Variants in GRID1 observed in about 807,000 individuals in gnomAD.
GRID1 encodes glutamate ionotropic receptor delta type subunit 1, also known as glutamate receptor ionotropic, delta-1.
GRID1 carries 28 observed loss-of-function variants against 98.0 expected under a neutral mutation model. That is an observed-to-expected ratio of 0.29 (90% CI 0.21 to 0.39). The LOEUF (loss-of-function observed/expected upper bound fraction) is 0.39, where lower values mean the gene tolerates loss of function less well. Among genes scored for constraint, GRID1 ranks in the 10% least tolerant of loss-of-function variants. GRID1 has a pLI of 1.00. For synonymous variants in GRID1, 553 were observed against 538.5 expected, an observed-to-expected ratio of 1.03 and a Z score of -0.37; for missense variants, 1,111 against 1,340.5, an observed-to-expected ratio of 0.83 and a Z score of 2.67.
chr10:86,049,223 C>G (rs78664145), intron 4 of GRID1, among the ~76,000 whole-genome samples: 6 of 152,160 alleles, frequency 3.9e-5, no homozygotes, highest in Admixed American at 2.0e-4. Context: ...CCTCCAGCAG[C>G]CTCTTAAGTG....
chr10:85,820,121 AGAAG>A, intron 8 of GRID1, among the ~76,000 whole-genome samples: 2 of 143,664 alleles, frequency 1.4e-5, no homozygotes, highest in South Asian at 4.5e-4. Context: ...AAGGAAAGAA[AGAAG>A]GGAGAAAGAA....
chr10:85,952,194 C>T (rs1842134149), intron 4 of GRID1, among the ~76,000 whole-genome samples: 1 of 152,178 alleles, frequency 6.6e-6, no homozygotes, highest in South Asian at 2.1e-4. Flanking sequence ...AATAAAGACA[C>T]AACAGAGCAA....
At chr10:85,948,505 A>T (rs1366611651) in intron 4 of GRID1, among the ~76,000 whole-genome samples, 1 of 152,232 alleles carries the variant, frequency 6.6e-6, no homozygotes, top group Middle Eastern at 3.2e-3. Context: ...AATTGAAATA[A>T]TAAGGATGTG....
intron 4 of GRID1, among the ~76,000 whole-genome samples, chr10:86,022,873 G>T (rs1843067669): frequency 6.7e-6 from 1 of 149,146 alleles, no homozygotes; most frequent in Admixed American, 6.7e-5. Flanking sequence ...AGCCAAGATC[G>T]CACCACTGCA....
intron 2 of GRID1, among the ~76,000 whole-genome samples, chr10:86,332,492 T>C (rs939762030): frequency 1.3e-5 from 2 of 152,090 alleles, no homozygotes; most frequent in African/African-American, 4.8e-5. Context: ...GCTTGTGTCC[T>C]GCCTGGCCTG....
intron 12 of GRID1, among the ~76,000 whole-genome samples, chr10:85,698,082 T>TA (rs1338607597): frequency 3.3e-5 from 5 of 152,068 alleles, no homozygotes; most frequent in African/African-American, 1.2e-4. Flanking sequence ...AAAAAACGAA[T>TA]AATACCAAGG....
At chr10:85,856,888 A>T (rs749244038) in intron 6 of GRID1, among the ~76,000 whole-genome samples, 1 of 152,252 alleles carries the variant, frequency 6.6e-6, no homozygotes, top group Non-Finnish European at 1.5e-5. Context: ...AGGGAGCAGG[A>T]TCAAGAGAGA....
chr10:86,109,339 C>T (rs912778737), intron 4 of GRID1, among the ~76,000 whole-genome samples: 5 of 152,338 alleles, frequency 3.3e-5, no homozygotes, highest in East Asian at 3.9e-4. Flanking sequence ...CTCCCGCCAC[C>T]GCCCAGGGTG....
intron 4 of GRID1, among the ~76,000 whole-genome samples, chr10:86,063,811 A>G (rs2131915300): frequency 6.6e-6 from 1 of 152,318 alleles, no homozygotes; most frequent in East Asian, 1.9e-4. Flanking sequence ...AACTCAACTC[A>G]GGGGCCTGTT....
At chr10:86,176,202 C>T (rs530002832) in intron 3 of GRID1, among the ~76,000 whole-genome samples, 4 of 152,138 alleles carry the variant, frequency 2.6e-5, no homozygotes, top group Non-Finnish European at 4.4e-5. Context: ...GTGAACAAAG[C>T]GTATTTCCTG....
rs140713547 is a variant in GRID1, at chr10:85,944,640, G to A, written c.727-28401C>T. ...AGGAATCATCAAAGAAAGGAACGGAGGGAGGTAGTGAGAAAGAAAAGAATG... is the reference window on the plus strand; with the variant it reads ...AGGAATCATCAAAGAAAGGAACGGAAGGAGGTAGTGAGAAAGAAAAGAATG... On this transcript the variant is annotated intron_variant, in intron 4 of 15. Transcript: ENST00000327946. Among the ~76,000 whole-genome samples the A allele has an allele frequency of 3.2e-3, 493 of 152,226 alleles. 2 individuals are homozygous for A. Among genetic ancestry groups the A allele is most frequent in the African/African-American group, 0.011 (461 of 41,534 alleles).
At chr10:86,268,126 C>A (rs962412283) in intron 2 of GRID1, among the ~76,000 whole-genome samples, 1 of 152,202 alleles carries the variant, frequency 6.6e-6, no homozygotes, top group Non-Finnish European at 1.5e-5. Flanking sequence ...CCAGTTTCAG[C>A]ACAGAAAGAC....
intron 3 of GRID1, among the ~76,000 whole-genome samples, chr10:86,173,257 T>G (rs935642932): frequency 6.6e-6 from 1 of 152,216 alleles, no homozygotes; most frequent in African/African-American, 2.4e-5. Flanking sequence ...CAGGCTGGTC[T>G]CAAATTCCTG....
intron 6 of GRID1, among the ~76,000 whole-genome samples, chr10:85,865,920 T>TATATATATATATATATATATACAC (rs1843212115): frequency 9.1e-6 from 1 of 109,432 alleles, no homozygotes; most frequent in Admixed American, 1.1e-4. Context: ...TACATATATA[T>TATATATATATATATATATATACAC]ATATATATAT....
intron 12 of GRID1, among the ~76,000 whole-genome samples, chr10:85,653,451 G>T (rs1334964553): frequency 2.0e-5 from 3 of 152,208 alleles, no homozygotes; most frequent in African/African-American, 7.2e-5. Flanking sequence ...GGGCTGTCCT[G>T]CCAAGGAGCT....
chr10:85,622,408 C>CT (rs939729566), intron 13 of GRID1, among the ~76,000 whole-genome samples: 10 of 152,058 alleles, frequency 6.6e-5, no homozygotes, highest in South Asian at 2.1e-4. Context: ...TTTATTTTTT[C>CT]TTTTTTTTAA....
At chr10:86,058,478 G>A (rs1216310281) in intron 4 of GRID1, among the ~76,000 whole-genome samples, 1 of 152,140 alleles carries the variant, frequency 6.6e-6, no homozygotes, top group African/African-American at 2.4e-5. Flanking sequence ...TACCAAAACT[G>A]GCTGATTAAA....
intron 8 of GRID1, among the ~76,000 whole-genome samples, chr10:85,829,885 CT>C (rs1473930499): frequency 6.6e-6 from 1 of 152,098 alleles, no homozygotes; most frequent in Non-Finnish European, 1.5e-5. Context: ...TGCCATGCTA[CT>C]GTGCAATTTA....
chr10:85,792,039 A>T (rs78495293), intron 8 of GRID1, among the ~76,000 whole-genome samples: 5,025 of 152,224 alleles, frequency 0.033, 124 homozygotes, highest in Non-Finnish European at 0.047. Flanking sequence ...TAGGTTCTGG[A>T]AGCCTAAGTG....
Sources: gnomAD v4.1 joint callset for allele counts (sites outside exome capture counted in the v4.1 genomes callset) on GRCh38, gnomAD v4.1.1 for gene constraint, MANE v1.5 for transcripts, NCBI Gene and HGNC (gene_info 2026-07-23, HGNC 2026-07-21) for gene names.